SLC12A9: variants seen among roughly 807,000 people sequenced by gnomAD.
The protein encoded by SLC12A9 is CCC-interacting protein 1.
Under a neutral mutation model 66.0 loss-of-function variants are expected in SLC12A9, and 55 were observed. That is an observed-to-expected ratio of 0.83 (90% CI 0.67 to 1.04). The LOEUF is 1.04. Among genes scored for constraint, SLC12A9 ranks in the 50% least tolerant of loss-of-function variants. The probability of loss-of-function intolerance (pLI) is 0.00; values close to 1 mark genes in which losing one functional copy is unlikely to be tolerated. For missense variants in SLC12A9, 1,061 were observed against 1,241.9 expected (o/e 0.85, Z 2.19); for synonymous variants, 577 against 569.0 (o/e 1.01, Z -0.20).
chr7:100,840,773 G>T (rs545402221), intron 1 of SLC12A9, among the ~76,000 whole-genome samples: 5 of 151,988 alleles, frequency 3.3e-5, no homozygotes, highest in Non-Finnish European at 7.4e-5. Context: ...AAAAAAAGGT[G>T]TACCCTATTC....
rs762003139 is a variant in SLC12A9, at chr7:100,858,893, T to A, written c.816T>A (p.Ala272=). ...TGATGAATTTTGCCAGCGTCTTTGC[T>A]GTCCTCTTTAACGGCTGTACAGGCA... ...GAVMNFASVF[A]VLFNGCTGIM... Residue 272 remains alanine, a synonymous_variant, in exon 6 of 14, where the codon GCT becomes GCA. Coordinates refer to ENST00000354161, the MANE Select transcript of SLC12A9 (RefSeq NM_020246.4). The A allele has an allele frequency of 6.2e-7, 1 of 1,614,210 alleles. No individual in the cohort carries two copies. The highest frequency in any genetic ancestry group is 1.1e-5 in the South Asian group (1 of 91,088).
intron 13 of SLC12A9, chr7:100,865,257 C>G: frequency 6.5e-7 from 1 of 1,535,670 alleles, no homozygotes; most frequent in East Asian, 2.4e-5. Context: ...GGTGCCCTGC[C>G]TGGTCCATTT....
upstream of SLC12A9, among the ~76,000 whole-genome samples, chr7:100,850,152 C>T (rs1211466826): frequency 5.9e-5 from 9 of 151,378 alleles, no homozygotes; most frequent in African/African-American, 1.2e-4. Flanking sequence ...GGATTACAGG[C>T]GTGAGCCACA....
At chr7:100,829,708 T>A (rs1554422250) in intron 1 of SLC12A9, among the ~76,000 whole-genome samples, 3 of 152,326 alleles carry the variant, frequency 2.0e-5, no homozygotes, top group East Asian at 1.9e-4. Context: ...ACTCTCACTC[T>A]GTACCCAGAT....
intron 4 of SLC12A9, chr7:100,856,154 G>T: frequency 4.9e-6 from 1 of 203,506 alleles, no homozygotes; most frequent in East Asian, 1.4e-4. Context: ...GATAGCAGGT[G>T]GGCAGAGGAG....
chr7:100,864,624 T>C (rs932416767), intron 13 of SLC12A9, among the ~76,000 whole-genome samples: 2 of 152,176 alleles, frequency 1.3e-5, no homozygotes, highest in African/African-American at 4.8e-5. Context: ...GGTTGCCACG[T>C]GCCCAGCTCG....
chr7:100,850,861 A>G (rs1234232585), upstream of SLC12A9, among the ~76,000 whole-genome samples: 1 of 151,972 alleles, frequency 6.6e-6, no homozygotes, highest in Non-Finnish European at 1.5e-5. Flanking sequence ...CTGGGATTAC[A>G]GGTGCGTGCC....
At chr7:100,835,575 G>A (rs1278677281) in intron 1 of SLC12A9, among the ~76,000 whole-genome samples, 28 of 151,660 alleles carry the variant, frequency 1.8e-4, no homozygotes, top group African/African-American at 6.1e-4. Context: ...GCTTGAACCC[G>A]GGAGGCAGAG....
At position 100,858,881 on chromosome 7, in the gene SLC12A9, C is replaced by G. The variant is rs552015092; in HGVS notation, c.804C>G (p.Ala268=). 160 of 1,614,212 alleles carry G rather than the reference C, an allele frequency of 9.9e-5. 3 individuals carry two copies. The South Asian group carries it at 1.7e-3, about 17-fold the overall frequency. ...CCACGGGAGCCGTGATGAATTTTGC[C>G]AGCGTCTTTGCTGTCCTCTTTAACG... ...DYTTGAVMNF[A]SVFAVLFNGC... Residue 268 remains alanine (A), a synonymous_variant, in exon 6 of 14, where the codon GCC becomes GCG. Transcript: ENST00000354161.
In SLC12A9 at chr7:100,866,302, G is replaced by A. The variant is rs763962921; in HGVS notation, c.2442G>A (p.Ala814=). The A allele has an allele frequency of 1.8e-5, 28 of 1,515,936 alleles. No individual in the cohort carries two copies. The highest frequency in any genetic ancestry group is 7.6e-5 in the South Asian group (6 of 78,724). The allele number at this position is 1,515,936 out of a possible 1,614,324, so 93.9% of individuals were successfully genotyped here. Residue 814 remains alanine (A), a synonymous_variant, in exon 14 of 14, where the codon GCG becomes GCA. Transcript: ENST00000354161. The surrounding 1 kb of genome is among the most constrained non-coding windows in gnomAD (Gnocchi z 7.3). The part of the protein sequence containing the change: ...GEGAGAGEPE[A]EEEGDFVNSG... ...GGGCCGGGGCTGGGGAACCCGAGGC[G>A]GAGGAGGAAGGGGACTTTGTGAACA...
intron 4 of SLC12A9, 58 bp downstream of exon 4, chr7:100,855,895 G>C: frequency 6.6e-7 from 1 of 1,518,716 alleles, no homozygotes; most frequent in South Asian, 1.3e-5. Flanking sequence ...GGGAGTGTGG[G>C]ATCATGAGGG....
At chr7:100,835,295 C>T (rs1490288850) in intron 1 of SLC12A9, among the ~76,000 whole-genome samples, 2 of 147,794 alleles carry the variant, frequency 1.4e-5, no homozygotes, top group Non-Finnish European at 3.0e-5. Flanking sequence ...GTAGAGGTTG[C>T]AGTGAGCTGA....
chr7:100,854,825 T>C, intron 3 of SLC12A9, 71 bp downstream of exon 3: 1 of 1,576,320 alleles, frequency 6.3e-7, no homozygotes, highest in Non-Finnish European at 8.6e-7. Flanking sequence ...AAGGGGCCAT[T>C]ACCTTTGTTG....
intron 1 of SLC12A9, chr7:100,827,290 T>C (rs1221747639): frequency 6.5e-6 from 1 of 153,766 alleles, no homozygotes; most frequent in Non-Finnish European, 1.4e-5. Flanking sequence ...AAGACGTGGC[T>C]GGAGTTGGGG....
intron 1 of SLC12A9, among the ~76,000 whole-genome samples, chr7:100,829,799 C>CGG (rs1046981765): frequency 4.6e-5 from 7 of 152,074 alleles, no homozygotes; most frequent in Non-Finnish European, 1.0e-4. Context: ...GAGGCCGAGG[C>CGG]GGGTGGATCA....
chr7:100,850,105 TTA>T, upstream of SLC12A9, among the ~76,000 whole-genome samples: 1 of 152,034 alleles, frequency 6.6e-6, no homozygotes, highest in Non-Finnish European at 1.5e-5. Flanking sequence ...ACTCCTGACC[TTA>T]AGTGATCTGC....
chr7:100,855,723 C>G lies in SLC12A9; in HGVS notation c.334C>G (p.Leu112Val). 6.2e-7 allele frequency: 1 copy of G among 1,614,174 alleles called. No individual in the cohort carries two copies. The highest frequency in any genetic ancestry group is 2.2e-5 in the East Asian group (1 of 44,882). ...ACTTTCAGTCATGATCAGCCGCACA[C>G]TGGGGCCCGAGGTCGGGGGCAGCAT... ...GGAYFMISRT[L>V]GPEVGGSIGL... The change falls in exon 4 of 14, where the codon CTG becomes GTG. Residue 112 changes from leucine (L) to valine (V), a missense_variant. Coordinates refer to ENST00000354161, the MANE Select transcript of SLC12A9 (RefSeq NM_020246.4).
At chr7:100,840,356 C>T (rs1334964321) in intron 1 of SLC12A9, among the ~76,000 whole-genome samples, 1 of 152,170 alleles carries the variant, frequency 6.6e-6, no homozygotes, top group African/African-American at 2.4e-5. Context: ...GTAAGATAGA[C>T]TGGCCAGCAT....
chr7:100,860,695 C>T (rs950359926), intron 9 of SLC12A9: 1 of 370,662 alleles, frequency 2.7e-6, no homozygotes, highest in Non-Finnish European at 5.2e-6. Context: ...GGTGCACTTG[C>T]ACTTTACAGG....
Sources: allele counts gnomAD v4.1 joint callset (sites outside exome capture counted in the v4.1 genomes callset), GRCh38; gene constraint gnomAD v4.1.1; non-coding constraint Gnocchi (gnomAD v3.1); transcripts MANE v1.5; gene names NCBI Gene and HGNC (gene_info 2026-07-23, HGNC 2026-07-21).